RAP1GAP2: variants seen among roughly 807,000 people sequenced by gnomAD.
RAP1GAP2 encodes the protein RAP1 GTPase activating protein 2.
In RAP1GAP2, 27 loss-of-function variants were observed where a neutral mutation model predicts 95.0. The ratio of observed to expected loss-of-function variants is 0.28; its 90% CI spans 0.21 to 0.39. The LOEUF (loss-of-function observed/expected upper bound fraction) is 0.39, where lower values mean the gene tolerates loss of function less well. Among genes scored for constraint, RAP1GAP2 ranks in the 10% least tolerant of loss-of-function variants. The pLI is 1.00. For missense variants in RAP1GAP2, 771 were observed against 970.0 expected (o/e 0.79, Z 2.72); for synonymous variants, 373 against 380.9 (o/e 0.98, Z 0.24).
chr17:2,851,959 T>C (rs542980133), intron 2 of RAP1GAP2, among the ~76,000 whole-genome samples: 11 of 152,254 alleles, frequency 7.2e-5, no homozygotes, highest in African/African-American at 2.6e-4. Flanking sequence ...AGGTGCAGCC[T>C]TCTGTGTGTG....
intron 11 of RAP1GAP2, among the ~76,000 whole-genome samples, chr17:2,989,970 T>G (rs902641110): frequency 2.6e-5 from 4 of 152,190 alleles, no homozygotes; most frequent in African/African-American, 7.2e-5. Flanking sequence ...ATTCTAGACC[T>G]TTTATAAATG....
chr17:2,917,593 C>T lies in RAP1GAP2; in HGVS notation c.165+12225C>T, dbSNP rs113064332. ...CCATTTTTGGTATTTTTAGTAGAGA[C>T]GGGGTTTCACCATGTTGGCCAGGCT... is the stretch of plus-strand genomic sequence containing the variant. On this transcript the variant is annotated intron_variant, in intron 3 of 24. Transcript: ENST00000254695. Among the ~76,000 whole-genome samples the T allele has an allele frequency of 2.1e-3, 321 of 151,462 alleles. 2 individuals carry two copies. The highest frequency in any genetic ancestry group is 7.4e-3 in the African/African-American group (305 of 41,270).
At chr17:2,989,184 G>A (rs2045667580) in intron 11 of RAP1GAP2, among the ~76,000 whole-genome samples, 1 of 152,174 alleles carries the variant, frequency 6.6e-6, no homozygotes, top group African/African-American at 2.4e-5. Flanking sequence ...AGCATTTGGT[G>A]TTGTGACTGT....
At chr17:2,896,614 A>G (rs2041833686) in intron 2 of RAP1GAP2, among the ~76,000 whole-genome samples, 1 of 152,192 alleles carries the variant, frequency 6.6e-6, no homozygotes, top group Non-Finnish European at 1.5e-5. Flanking sequence ...CCATGTGGGT[A>G]GATTGGTCCA....
chr17:3,021,495 C>T (rs983336711), intron 19 of RAP1GAP2, among the ~76,000 whole-genome samples: 4 of 141,632 alleles, frequency 2.8e-5, no homozygotes, highest in African/African-American at 1.1e-4. Flanking sequence ...AATGCAGTGG[C>T]GCCATCTTGG....
upstream of RAP1GAP2, among the ~76,000 whole-genome samples, chr17:2,776,774 CGGGGTGCGCGCGT>C (rs1377656094): frequency 6.7e-6 from 1 of 148,584 alleles, no homozygotes; most frequent in Non-Finnish European, 1.5e-5. Flanking sequence ...TGGGGCCGGC[CGGGGTGCGCGCGT>C]GCGCGGCAGG....
Position 2,855,801 on chromosome 17 carries a change from C to T in RAP1GAP2, c.81-49483C>T, listed in dbSNP as rs546885341. 1.6e-4 allele frequency among the ~76,000 whole-genome samples: 25 copies of T among 152,132 alleles called. No individual in the cohort carries two copies. Among genetic ancestry groups the T allele is most frequent in the African/African-American group, 4.1e-4 (17 of 41,502 alleles). ...CTAATTTTTTGTATTTTAGTAGAGA[C>T]GGGGGTTTCACCATGTTGCCCAGGG... is the stretch of plus-strand genomic sequence containing the variant. On this transcript the variant is annotated intron_variant, in intron 2 of 24. Coordinates refer to ENST00000254695, the MANE Select transcript of RAP1GAP2 (RefSeq NM_015085.5). The surrounding 1 kb of genome is among the most constrained non-coding windows in gnomAD (Gnocchi z 4.3).
chr17:2,887,981 T>C (rs550028305), intron 2 of RAP1GAP2, among the ~76,000 whole-genome samples: 11 of 152,264 alleles, frequency 7.2e-5, no homozygotes, highest in Admixed American at 2.6e-4. Context: ...GCCTAACTAT[T>C]ATCTCTACTA....
intron 3 of RAP1GAP2, among the ~76,000 whole-genome samples, chr17:2,955,672 T>C (rs1297645011): frequency 6.6e-6 from 1 of 152,240 alleles, no homozygotes; most frequent in Admixed American, 6.5e-5. Flanking sequence ...GGGCTTTCCT[T>C]CGTGCGTCGT....
chr17:2,832,207 A>AG (rs1439850156), intron 2 of RAP1GAP2, among the ~76,000 whole-genome samples: 1 of 149,540 alleles, frequency 6.7e-6, no homozygotes, highest in Non-Finnish European at 1.5e-5. Context: ...CTGTCTCCAA[A>AG]AAAAAAAAGA....
intron 2 of RAP1GAP2, among the ~76,000 whole-genome samples, chr17:2,770,717 C>A (rs1036969454): frequency 2.0e-5 from 3 of 152,308 alleles, no homozygotes; most frequent in East Asian, 3.9e-4. Context: ...TTATAAGTCT[C>A]CAGTGAAATA....
chr17:2,914,664 G>A (rs867758673), intron 3 of RAP1GAP2, among the ~76,000 whole-genome samples: 15 of 145,054 alleles, frequency 1.0e-4, no homozygotes, highest in African/African-American at 3.3e-4. Flanking sequence ...CAAATTTTTT[G>A]TATTTTTAGT....
chr17:2,845,434 C>G (rs958097728), intron 2 of RAP1GAP2, among the ~76,000 whole-genome samples: 2 of 152,144 alleles, frequency 1.3e-5, no homozygotes, highest in Middle Eastern at 3.2e-3. Flanking sequence ...TGTAAATGCA[C>G]AAATCTTCAT....
chr17:2,839,868 G>T (rs1401258504), intron 2 of RAP1GAP2, among the ~76,000 whole-genome samples: 1 of 151,958 alleles, frequency 6.6e-6, no homozygotes, highest in Non-Finnish European at 1.5e-5. Flanking sequence ...GCGTGATCTC[G>T]GCTCACTGCA....
At chr17:2,775,860 G>A (rs1317309543), upstream of RAP1GAP2, among the ~76,000 whole-genome samples, 1 of 152,162 alleles carries the variant, frequency 6.6e-6, no homozygotes, top group African/African-American at 2.4e-5. Context: ...GGCGGAAGCT[G>A]GGGGGATGTC....
rs1483855298 is a variant in RAP1GAP2 at position 3,034,404 on chromosome 17, AG to A, written c.*1050del. On this transcript the variant is annotated 3_prime_UTR_variant, in exon 25 of 25. Coordinates refer to ENST00000254695, the MANE Select transcript of RAP1GAP2 (RefSeq NM_015085.5). The surrounding 1 kb of genome is among the most constrained non-coding windows in gnomAD (Gnocchi z 5.1). ...CCCCACTTACTCGAGGAGAGAGGTG[AG>A]GGGGGGATGACTTGCGGGTTCTGAT... 3.0e-4 allele frequency: 71 copies of A among 234,090 alleles called. No individual in the cohort carries two copies. The highest frequency in any genetic ancestry group is 5.2e-4 in the East Asian group (3 of 5,716). 14.5% of individuals were successfully genotyped at this position (234,090 alleles called of 1,614,324 possible).
At chr17:2,924,714 G>T (rs1208965719) in intron 3 of RAP1GAP2, among the ~76,000 whole-genome samples, 2 of 152,112 alleles carry the variant, frequency 1.3e-5, no homozygotes, top group Non-Finnish European at 2.9e-5. Context: ...AATATGTTTT[G>T]TTTGGCCAAC....
At chr17:2,953,866 T>G (rs12944487) in intron 3 of RAP1GAP2, among the ~76,000 whole-genome samples, 119,735 of 152,100 alleles carry the variant, frequency 0.79, 48,909 homozygotes, top group Non-Finnish European at 0.9. Context: ...AAAAATAAAA[T>G]AAAGTGTACA....
rs567769461 is a variant in RAP1GAP2, at chr17:3,012,622, A to C, written c.1494+4477A>C. The stretch of plus-strand genomic sequence containing the variant: ...CTGTGTCTCAAAAAAAAAAAAAAAA[A>C]AAAAAAAAACAAACCTAAAGTTTGC... On this transcript the variant is annotated intron_variant, in intron 17 of 24. Coordinates refer to ENST00000254695, the MANE Select transcript of RAP1GAP2 (RefSeq NM_015085.5). 2.3e-4 allele frequency among the ~76,000 whole-genome samples: 35 copies of C among 151,246 alleles called. No homozygotes were observed. In the South Asian group the frequency reaches 5.0e-3, roughly 22 times the overall value.
Sources: gnomAD v4.1 joint callset for allele counts (sites outside exome capture counted in the v4.1 genomes callset) on GRCh38, gnomAD v4.1.1 for gene constraint, Gnocchi (gnomAD v3.1) non-coding constraint, MANE v1.5 for transcripts, NCBI Gene and HGNC (gene_info 2026-07-23, HGNC 2026-07-21) for gene names.